The following SLC24A3 variants were observed in gnomAD, a reference collection of about 807,000 sequenced individuals.
The protein encoded by SLC24A3 is sodium/potassium/calcium exchanger 3.
In SLC24A3, 28 loss-of-function variants were observed where a neutral mutation model predicts 75.8. That is an observed-to-expected ratio of 0.37 (90% confidence interval 0.27 to 0.51). The LOEUF (loss-of-function observed/expected upper bound fraction) is 0.51, where lower values mean the gene tolerates loss of function less well. Among genes scored for constraint, SLC24A3 ranks in the 20% least tolerant of loss-of-function variants. The probability of loss-of-function intolerance (pLI) is 0.94; values close to 1 mark genes in which losing one functional copy is unlikely to be tolerated. For missense variants in SLC24A3, 663 were observed against 847.8 expected, an observed-to-expected ratio of 0.78 and a Z score of 2.71; for synonymous variants, 372 against 334.1, an observed-to-expected ratio of 1.11 and a Z score of -1.24.
intron 2 of SLC24A3, among the ~76,000 whole-genome samples, chr20:19,488,134 T>G (rs1408159318): frequency 6.6e-6 from 1 of 152,090 alleles, no homozygotes; most frequent in Non-Finnish European, 1.5e-5. Flanking sequence ...ATGCGCTGGG[T>G]AGCGCATTTT....
intron 15 of SLC24A3, among the ~76,000 whole-genome samples, chr20:19,714,423 A>G (rs1012269641): frequency 2.1e-5 from 3 of 139,658 alleles, no homozygotes; most frequent in East Asian, 2.3e-4. Context: ...AAAAAAAAAA[A>G]AAACAACAAA....
intron 2 of SLC24A3, among the ~76,000 whole-genome samples, chr20:19,286,205 G>A (rs1287231724): frequency 1.3e-5 from 2 of 152,182 alleles, no homozygotes; most frequent in African/African-American, 4.8e-5. Flanking sequence ...GGGATGGCCA[G>A]GAGTGCCTAC....
intron 2 of SLC24A3, among the ~76,000 whole-genome samples, chr20:19,382,273 G>A (rs1022737877): frequency 1.1e-4 from 17 of 152,128 alleles, no homozygotes; most frequent in Admixed American, 1.1e-3. Context: ...AAAAACCAGC[G>A]TGATAGTGCA....
At chr20:19,617,678 C>G (rs1409554272) in intron 6 of SLC24A3, among the ~76,000 whole-genome samples, 1 of 152,156 alleles carries the variant, frequency 6.6e-6, no homozygotes, top group South Asian at 2.1e-4. Context: ...AGGGACTGTT[C>G]CCAGTGGGGA....
intron 11 of SLC24A3, 72 bp from the exon 12 acceptor site, chr20:19,685,028 C>T (rs1024569599): frequency 6.6e-7 from 1 of 1,507,694 alleles, no homozygotes; most frequent in Non-Finnish European, 8.9e-7. Context: ...AAGATCCCAA[C>T]AGCTCATGTT....
chr20:19,298,320 A>G (rs1984109492), intron 2 of SLC24A3, among the ~76,000 whole-genome samples: 1 of 152,190 alleles, frequency 6.6e-6, no homozygotes, highest in South Asian at 2.1e-4. Flanking sequence ...ATTGGTGTGG[A>G]TCCTCATTTG....
intron 2 of SLC24A3, among the ~76,000 whole-genome samples, chr20:19,298,499 A>G (rs1301635920): frequency 6.6e-6 from 1 of 152,190 alleles, no homozygotes; most frequent in African/African-American, 2.4e-5. Context: ...CCAGAAGCAG[A>G]TTCTAAGACA....
At chr20:19,586,969 A>C (rs2031306587) in intron 6 of SLC24A3, among the ~76,000 whole-genome samples, 1 of 152,200 alleles carries the variant, frequency 6.6e-6, no homozygotes, top group Non-Finnish European at 1.5e-5. Context: ...ATTTTTTTAA[A>C]AAATGAGTCT....
chr20:19,293,258 C>T (rs978553737), intron 2 of SLC24A3, among the ~76,000 whole-genome samples: 2 of 152,170 alleles, frequency 1.3e-5, no homozygotes, highest in Non-Finnish European at 2.9e-5. Flanking sequence ...AGAGTTGTAA[C>T]GCAGCTGCAC....
intron 2 of SLC24A3, among the ~76,000 whole-genome samples, chr20:19,343,048 TG>T (rs1408536351): frequency 8.1e-6 from 1 of 123,474 alleles, no homozygotes; most frequent in Non-Finnish European, 1.6e-5. Context: ...CCAGCCTGGG[TG>T]ACAGAACGAG....
chr20:19,307,266 G>A (rs2143855), intron 2 of SLC24A3, among the ~76,000 whole-genome samples: 78,212 of 151,890 alleles, frequency 0.51, 22,365 homozygotes, highest in African/African-American at 0.76. Flanking sequence ...TACCGGGTGT[G>A]TGATCAATGC....
At chr20:19,472,974 C>G (rs568801002) in intron 2 of SLC24A3, among the ~76,000 whole-genome samples, 1 of 152,354 alleles carries the variant, frequency 6.6e-6, no homozygotes, top group East Asian at 1.9e-4. Context: ...TTGAACAGCA[C>G]ACTTGCTGGC....
chr20:19,482,274 AT>A (rs1359243501), intron 2 of SLC24A3, among the ~76,000 whole-genome samples: 1 of 151,980 alleles, frequency 6.6e-6, no homozygotes. Context: ...GTCATTCCTT[AT>A]TCTCTTTCCT....
intron 2 of SLC24A3, among the ~76,000 whole-genome samples, chr20:19,342,919 A>T (rs1985301788): frequency 6.6e-6 from 1 of 151,608 alleles, no homozygotes; most frequent in African/African-American, 2.4e-5. Context: ...AATACAAAAT[A>T]GTTAGCTGGG....
intron 3 of SLC24A3, among the ~76,000 whole-genome samples, chr20:19,575,460 C>T (rs79599084): frequency 0.013 from 1,968 of 152,218 alleles, 19 homozygotes; most frequent in Middle Eastern, 0.034. Context: ...ACATAAAACA[C>T]GGCTCATGGT....
At chr20:19,424,763 A>C (rs1294825144) in intron 2 of SLC24A3, among the ~76,000 whole-genome samples, 1 of 146,184 alleles carries the variant, frequency 6.8e-6, no homozygotes, top group African/African-American at 2.6e-5. Flanking sequence ...AAAAAAAAAA[A>C]AAAAAAAACT....
chr20:19,227,024 C>T (rs1265304996), intron 1 of SLC24A3, among the ~76,000 whole-genome samples: 3 of 152,134 alleles, frequency 2.0e-5, no homozygotes, highest in Non-Finnish European at 2.9e-5. Context: ...AAAGGCATGC[C>T]CATCGTAAAG....
chr20:19,672,713 C>G (rs925412375), intron 8 of SLC24A3, among the ~76,000 whole-genome samples: 1 of 152,182 alleles, frequency 6.6e-6, no homozygotes, highest in Admixed American at 6.5e-5. Flanking sequence ...AACCACCTGG[C>G]TTCCTTCCAG....
intron 6 of SLC24A3, among the ~76,000 whole-genome samples, chr20:19,619,927 A>C (rs2031782463): frequency 6.6e-6 from 1 of 152,216 alleles, no homozygotes; most frequent in African/African-American, 2.4e-5. Flanking sequence ...ATCAAGAAAC[A>C]GGTTTGGGGG....
Sources: allele counts gnomAD v4.1 joint callset (sites outside exome capture counted in the v4.1 genomes callset), GRCh38; gene constraint gnomAD v4.1.1; transcripts MANE v1.5; gene names NCBI Gene and HGNC (gene_info 2026-07-23, HGNC 2026-07-21).